Variants in DGKB observed in about 807,000 individuals in gnomAD.
The protein encoded by DGKB is diacylglycerol kinase beta.
A neutral mutation model predicts 114.3 loss-of-function variants in DGKB; 67 were observed. The ratio of observed to expected loss-of-function variants is 0.59; its 90% confidence interval spans 0.48 to 0.72. The LOEUF is 0.72. Among genes scored for constraint, DGKB ranks in the 30% least tolerant of loss-of-function variants. The pLI, the probability that DGKB is intolerant of heterozygous loss-of-function variation, is 0.00. For missense variants in DGKB, 907 were observed against 975.2 expected (o/e 0.93, Z 0.93); for synonymous variants, 398 against 323.1 (o/e 1.23, Z -2.49).
intron 1 of DGKB, among the ~76,000 whole-genome samples, chr7:14,911,734 C>T (rs9655117): frequency 0.21 from 31,588 of 152,080 alleles, 5,271 homozygotes; most frequent in East Asian, 0.82. Context: ...CATCTGGGTA[C>T]TATGATCCAA....
Position 14,861,459 on chromosome 7 carries a change from C to T in DGKB, c.-187-20009G>A, listed in dbSNP as rs149294428. On this transcript the variant is annotated intron_variant, in intron 1 of 25. Coordinates refer to ENST00000402815, the MANE Select transcript of DGKB (RefSeq NM_001350709.2). ...TTTTTTTCATTATTTAAACATTTCA[C>T]TTGTGAAATACATTGTACATATAGG... Among the ~76,000 whole-genome samples the T allele has an allele frequency of 7.3e-5, 11 of 151,714 alleles. No homozygotes were observed. The East Asian group carries it at 2.1e-3, about 29-fold the overall frequency.
chr7:14,516,451 C>A (rs1237485240), intron 20 of DGKB, among the ~76,000 whole-genome samples: 1 of 152,122 alleles, frequency 6.6e-6, no homozygotes, highest in Admixed American at 6.6e-5. Context: ...AGTTGAAGAT[C>A]TGATCTGGAA....
Position 14,718,808 on chromosome 7 carries a change from A to C in DGKB, c.323-123T>G, listed in dbSNP as rs1222923278. The C allele has an allele frequency of 4.2e-6, 3 of 707,846 alleles. No individual in the cohort carries two copies. In the African/African-American group the frequency reaches 5.4e-5, roughly 13 times the overall value. 43.8% of individuals were successfully genotyped at this position (707,846 alleles called of 1,614,324 possible). ...ATTTATATTTTTTAGGCATAGAATAACCAAATTCTCTGTAAGATCGGTACA... is the reference window on the plus strand; with the variant it reads ...ATTTATATTTTTTAGGCATAGAATACCCAAATTCTCTGTAAGATCGGTACA... On this transcript the variant is annotated intron_variant, in intron 5 of 25. Transcript: ENST00000402815.
At chr7:14,475,285 C>T (rs1345539593) in intron 21 of DGKB, among the ~76,000 whole-genome samples, 2 of 152,062 alleles carry the variant, frequency 1.3e-5, no homozygotes, top group African/African-American at 4.8e-5. Context: ...ATGGCTGAGC[C>T]TGTCGCAATG....
chr7:14,885,011 T>G (rs1854808668), intron 1 of DGKB, among the ~76,000 whole-genome samples: 1 of 151,872 alleles, frequency 6.6e-6, no homozygotes. Flanking sequence ...ACAGAAGGGC[T>G]TAGTTGAAAT....
intron 20 of DGKB, among the ~76,000 whole-genome samples, chr7:14,506,969 G>A (rs1787186076): frequency 6.6e-6 from 1 of 152,150 alleles, no homozygotes; most frequent in Admixed American, 6.5e-5. Context: ...GTGCAGGCTG[G>A]ATGATGCCAA....
chr7:14,701,685 C>T lies in DGKB; in HGVS notation c.512G>A (p.Ser171Asn), dbSNP rs757798651. 5 of 1,608,876 alleles carry T rather than the reference C, an allele frequency of 3.1e-6. No individual in the cohort carries two copies. The highest frequency in any genetic ancestry group is 4.3e-6 in the Non-Finnish European group (5 of 1,175,922). ...AACTTTGAAGAAAAAAATTACCGAG[C>T]TGTCCAGGAAGCCATTCCCATCCGT... ...YDTDGNGFLD[S>N]SELENIISQM... Residue 171 changes from serine (S) to asparagine (N), a missense_variant, in exon 7 of 26, where the codon AGC becomes AAC. This residue lies in a region of DGKB where 814 missense variants were observed against 856.6 expected (regional missense o/e 0.95). Coordinates refer to ENST00000402815, the MANE Select transcript of DGKB (RefSeq NM_001350709.2).
chr7:14,696,149 A>G (rs1823840034), intron 8 of DGKB, among the ~76,000 whole-genome samples: 2 of 151,912 alleles, frequency 1.3e-5, no homozygotes, highest in African/African-American at 4.8e-5. Context: ...ACCCCCCAAC[A>G]CACACACCAA....
In DGKB at chr7:14,239,300, A is replaced by G. The variant is rs1203887164; in HGVS notation, c.2123-61149T>C. Among the ~76,000 whole-genome samples, 3 of 77,668 alleles carry G rather than the reference A, an allele frequency of 3.9e-5. No individual in the cohort carries two copies. The East Asian group carries it at 8.2e-4, about 21-fold the overall frequency. The allele number at this position is 77,668 out of a possible 152,430, so 51.0% of individuals were successfully genotyped here. ...AAGAACATTATTGCTGATTTCAAAA[A>G]GTTTTTTTAAATGTTAAAATGTATT... On this transcript the variant is annotated intron_variant, in intron 23 of 25. Transcript: ENST00000402815.
At chr7:14,247,538 A>T (rs983084697) in intron 23 of DGKB, among the ~76,000 whole-genome samples, 15 of 152,080 alleles carry the variant, frequency 9.9e-5, no homozygotes, top group Non-Finnish European at 1.6e-4. Flanking sequence ...GATCATAGCC[A>T]TTCTAAAAGG....
At chr7:14,750,576 T>G (rs1181655579) in intron 4 of DGKB, among the ~76,000 whole-genome samples, 1 of 152,090 alleles carries the variant, frequency 6.6e-6, no homozygotes, top group Admixed American at 6.6e-5. Context: ...TCATATCTAG[T>G]CTTCTCTTCT....
chr7:14,476,211 ACTACT>A (rs1234249138), intron 21 of DGKB, among the ~76,000 whole-genome samples: 7 of 152,036 alleles, frequency 4.6e-5, no homozygotes, highest in Non-Finnish European at 8.8e-5. Context: ...GAAAGCATAG[ACTACT>A]CTATCTTATA....
intron 1 of DGKB, among the ~76,000 whole-genome samples, chr7:14,876,770 C>T (rs1306357071): frequency 1.3e-5 from 2 of 152,164 alleles, no homozygotes; most frequent in Non-Finnish European, 2.9e-5. Context: ...TATATACCTC[C>T]TCAACTAACT....
At chr7:14,247,809 C>T (rs987155929) in intron 23 of DGKB, among the ~76,000 whole-genome samples, 3 of 151,916 alleles carry the variant, frequency 2.0e-5, no homozygotes, top group Admixed American at 2.0e-4. Context: ...TCTCTTTATG[C>T]CTTTGATTAT....
intron 2 of DGKB, among the ~76,000 whole-genome samples, chr7:14,776,014 T>C (rs1838115368): frequency 6.6e-6 from 1 of 152,014 alleles, no homozygotes; most frequent in South Asian, 2.1e-4. Flanking sequence ...AAATTGCTAA[T>C]AGTGATATGG....
intron 23 of DGKB, among the ~76,000 whole-genome samples, chr7:14,203,509 C>T (rs540981534): frequency 1.3e-5 from 2 of 152,008 alleles, no homozygotes; most frequent in South Asian, 4.1e-4. Context: ...AGATAGCCAG[C>T]TAGGATATAA....
chr7:14,711,099 G>A (rs1827284577), intron 6 of DGKB, among the ~76,000 whole-genome samples: 1 of 152,000 alleles, frequency 6.6e-6, no homozygotes, highest in Non-Finnish European at 1.5e-5. Flanking sequence ...AAATTTTCCA[G>A]TTGATTCCAG....
chr7:14,953,421 T>C (rs887589339), intron 1 of DGKB, among the ~76,000 whole-genome samples: 4 of 152,064 alleles, frequency 2.6e-5, no homozygotes, highest in East Asian at 3.9e-4. Flanking sequence ...TAATAATATA[T>C]ACAAATGGCT....
intron 25 of DGKB, among the ~76,000 whole-genome samples, chr7:14,163,709 C>G (rs1446367047): frequency 1.3e-5 from 2 of 152,070 alleles, no homozygotes; most frequent in South Asian, 4.1e-4. Context: ...AAATAACAAA[C>G]TGGCCAGGCA....
Sources: allele counts gnomAD v4.1 joint callset (sites outside exome capture counted in the v4.1 genomes callset), GRCh38; gene constraint gnomAD v4.1.1; regional missense constraint gnomAD v4.1.1; transcripts MANE v1.5; gene names NCBI Gene and HGNC (gene_info 2026-07-23, HGNC 2026-07-21).